Variants in CYP4F22 observed in about 807,000 individuals in gnomAD.
CYP4F22 encodes the protein ultra-long-chain fatty acid omega-hydroxylase.
Under a neutral mutation model 60.4 loss-of-function variants are expected in CYP4F22, and 37 were observed. The ratio of observed to expected loss-of-function variants is 0.61; its 90% CI spans 0.47 to 0.81. The LOEUF (loss-of-function observed/expected upper bound fraction) is 0.81. Ranked by LOEUF, CYP4F22 falls within the 30% of genes least tolerant of loss-of-function variation. The probability of loss-of-function intolerance (pLI) is 0.00; values close to 1 mark genes in which losing one functional copy is unlikely to be tolerated. For missense variants in CYP4F22, 655 were observed against 715.0 expected (o/e 0.92, Z 0.96); for synonymous variants, 258 against 280.5 (o/e 0.92, Z 0.80).
intron 8 of CYP4F22, among the ~76,000 whole-genome samples, chr19:15,541,910 A>C (rs2067290012): frequency 6.6e-6 from 1 of 151,904 alleles, no homozygotes; most frequent in Admixed American, 6.6e-5. Context: ...ATGACCTTGA[A>C]GAGATGAGAC....
In CYP4F22 at chr19:15,540,633, A is replaced by G. The variant is rs1310464602; in HGVS notation, c.855A>G (p.Ala285=). 1 of 1,614,120 alleles carries G rather than the reference A, an allele frequency of 6.2e-7. No homozygotes were observed. The highest frequency in any genetic ancestry group is 1.3e-5 in the African/African-American group (1 of 74,950). ...AAGTCATCCAGGAACGGCGGCGGGC[A>G]CTGCGTCAGCAGGGGGCCGAGGCCT... ...TTEVIQERRR[A]LRQQGAEAWL... The change falls in exon 8 of 14, where the codon GCA becomes GCG. Residue 285 remains alanine (A), a synonymous_variant. Transcript: ENST00000269703.
chr19:15,540,976 G>T (rs1173228512), intron 8 of CYP4F22, among the ~76,000 whole-genome samples: 3 of 152,232 alleles, frequency 2.0e-5, no homozygotes, highest in Admixed American at 1.3e-4. Context: ...AGCTACTTGG[G>T]AGGCTGAAGC....
chr19:15,519,689 T>G (rs1599791194), intron 1 of CYP4F22, among the ~76,000 whole-genome samples: 1 of 151,862 alleles, frequency 6.6e-6, no homozygotes, highest in South Asian at 2.1e-4. Flanking sequence ...TCACAGGCTG[T>G]TAGAAAGGGG....
intron 4 of CYP4F22, among the ~76,000 whole-genome samples, chr19:15,532,247 A>C (rs1203977799): frequency 5.5e-4 from 63 of 113,534 alleles, no homozygotes; most frequent in African/African-American, 9.9e-4. Flanking sequence ...TTCTCTCTCT[A>C]CTCCTCTTTC....
At chr19:15,525,157 C>A (rs1244591348) in intron 2 of CYP4F22, among the ~76,000 whole-genome samples, 179 bp from the exon 3 acceptor site, 1 of 152,150 alleles carries the variant, frequency 6.6e-6, no homozygotes, top group Non-Finnish European at 1.5e-5. Context: ...ACGAGCAGGG[C>A]CCCGAGTGCA....
At chr19:15,520,944 T>C (rs574447076) in intron 1 of CYP4F22, among the ~76,000 whole-genome samples, 1 of 152,034 alleles carries the variant, frequency 6.6e-6, no homozygotes, top group South Asian at 2.1e-4. Context: ...ATTTTTTGTA[T>C]TTTTAGTAGA....
At chr19:15,525,303 T>A in intron 2 of CYP4F22, 33 bp from the exon 3 acceptor site, 1 of 1,603,182 alleles carries the variant, frequency 6.2e-7, no homozygotes, top group Non-Finnish European at 8.5e-7. Context: ...GTCTTGTGCA[T>A]GGCACCGACC....
chr19:15,531,636 CT>C (rs1166627221), intron 4 of CYP4F22, among the ~76,000 whole-genome samples: 3 of 152,174 alleles, frequency 2.0e-5, no homozygotes, highest in Admixed American at 2.0e-4. Context: ...ATTGACTCTT[CT>C]GAGGGATGAA....
chr19:15,514,631 G>T (rs556044818), intron 1 of CYP4F22, among the ~76,000 whole-genome samples: 2 of 151,910 alleles, frequency 1.3e-5, no homozygotes, highest in Non-Finnish European at 2.9e-5. Flanking sequence ...AGACTGTGCC[G>T]TTGCACTCCA....
chr19:15,536,253 C>T (rs1033700604), intron 4 of CYP4F22, among the ~76,000 whole-genome samples: 7 of 152,048 alleles, frequency 4.6e-5, no homozygotes, highest in Non-Finnish European at 8.8e-5. Context: ...GTGGGAGGAT[C>T]GCTTGAATCC....
rs1971549514 is a variant in CYP4F22 at position 15,547,998 on chromosome 19, AGAGAGTGTGTGTGTGT to A, written c.1137-108_1137-93del. The A allele has an allele frequency of 4.3e-4, 137 of 317,532 alleles. 5 individuals carry two copies. The highest frequency in any genetic ancestry group is 1.9e-3 in the African/African-American group (39 of 20,822). The allele number at this position is 317,532 out of a possible 1,614,324, so 19.7% of individuals were successfully genotyped here. A position where few individuals can be genotyped will look rare whatever the true frequency, so the allele number is the denominator to read the frequency against. ...GAGAGAGAGAGAGAGAGAGAGAGGG[AGAGAGTGTGTGTGTGT>A]GTGTGTGTGTGTGTGTGTGTGTGTG... is the stretch of plus-strand genomic sequence containing the variant. On this transcript the variant is annotated intron_variant, in intron 10 of 13. Coordinates refer to ENST00000269703, the MANE Select transcript of CYP4F22 (RefSeq NM_173483.4).
chr19:15,540,431 A>T lies in CYP4F22; in HGVS notation c.672-19A>T, dbSNP rs1237493763. ...CTAGGGGAAGGGGCTACACTCATGGATCCCCTTCTCCTTGGCAGGAAGATG... is the reference window on the plus strand; with the variant it reads ...CTAGGGGAAGGGGCTACACTCATGGTTCCCCTTCTCCTTGGCAGGAAGATG... On this transcript the variant is annotated intron_variant, in intron 7 of 13. Transcript: ENST00000269703. 1 of 1,614,086 alleles carries T rather than the reference A, an allele frequency of 6.2e-7. No individual in the cohort carries two copies. Among genetic ancestry groups the T allele is most frequent in the African/African-American group, 1.3e-5 (1 of 75,052 alleles).
intron 1 of CYP4F22, among the ~76,000 whole-genome samples, chr19:15,521,455 A>C (rs961860836): frequency 1.3e-5 from 2 of 151,382 alleles, no homozygotes; most frequent in South Asian, 4.2e-4. Context: ...CTGGCCTCGA[A>C]CTCTTGACCT....
chr19:15,550,522 G>C (rs183503671), intron 12 of CYP4F22, 152 bp from the exon 13 acceptor site: 14 of 735,548 alleles, frequency 1.9e-5, no homozygotes, highest in Non-Finnish European at 3.1e-5. Context: ...GGCAGGTGTG[G>C]CTGCATTGCA....
At chr19:15,519,177 G>A (rs1201974069) in intron 1 of CYP4F22, among the ~76,000 whole-genome samples, 1 of 152,086 alleles carries the variant, frequency 6.6e-6, no homozygotes, top group Admixed American at 6.6e-5. Flanking sequence ...GGGCACAGAG[G>A]AAAGGGGGGA....
chr19:15,528,699 C>A (rs1971309640), intron 3 of CYP4F22, among the ~76,000 whole-genome samples: 1 of 152,150 alleles, frequency 6.6e-6, no homozygotes, highest in African/African-American at 2.4e-5. Flanking sequence ...ACTTAACTTG[C>A]AACTTCAGAA....
chr19:15,527,392 G>C (rs1971294875), intron 3 of CYP4F22, among the ~76,000 whole-genome samples: 2 of 152,078 alleles, frequency 1.3e-5, no homozygotes, highest in Admixed American at 6.5e-5. Context: ...CTGTAACAAG[G>C]CTCCCACCTC....
In CYP4F22 at chr19:15,540,522, C is replaced by T; in HGVS notation, c.744C>T (p.His248=). The stretch of plus-strand genomic sequence containing the variant: ...CTGTCCGGCGCCAGTATCGCTTGCA[C>T]CACTACCTCGACTTCATTTACTACC... The part of the protein sequence containing the change: ...ALSVRRQYRL[H]HYLDFIYYRS... The change falls in exon 8 of 14, where the codon CAC becomes CAT. Residue 248 remains histidine (H), a synonymous_variant. Coordinates refer to ENST00000269703, the MANE Select transcript of CYP4F22 (RefSeq NM_173483.4). The T allele has an allele frequency of 1.2e-6, 2 of 1,614,186 alleles. No homozygotes were observed. Among genetic ancestry groups the T allele is most frequent in the Non-Finnish European group, 1.7e-6 (2 of 1,180,040 alleles).
At position 15,525,307 on chromosome 19, in the gene CYP4F22, A is replaced by G. The variant is rs73929924; in HGVS notation, c.-1-29A>G. On this transcript the variant is annotated intron_variant, in intron 2 of 13. Coordinates refer to ENST00000269703, the MANE Select transcript of CYP4F22 (RefSeq NM_173483.4). ...CATGGGTCATCGTCTTGTGCATGGCACCGACCCCCTGACCCTGTGTGTCCC... is the reference window on the plus strand; with the variant it reads ...CATGGGTCATCGTCTTGTGCATGGCGCCGACCCCCTGACCCTGTGTGTCCC... 0.015 allele frequency: 23,887 copies of G among 1,606,594 alleles called. 388 individuals carry two copies. The highest frequency in any genetic ancestry group is 0.079 in the African/African-American group (5,923 of 74,902).
Sources: gnomAD v4.1 joint callset for allele counts (sites outside exome capture counted in the v4.1 genomes callset) on GRCh38, gnomAD v4.1.1 for gene constraint, MANE v1.5 for transcripts, NCBI Gene and HGNC (gene_info 2026-07-23, HGNC 2026-07-21) for gene names.